RPS6KA2: variants seen among roughly 807,000 people sequenced by gnomAD.
RPS6KA2 encodes the protein ribosomal protein S6 kinase alpha-2.
Under a neutral mutation model 91.8 loss-of-function variants are expected in RPS6KA2, and 42 were observed. The observed-to-expected ratio is 0.46, with a 90% CI of 0.36 to 0.59. The LOEUF (loss-of-function observed/expected upper bound fraction) is 0.59, where lower values mean the gene tolerates loss of function less well. RPS6KA2 is among the 20% of genes least tolerant of loss of function. The pLI, the probability that RPS6KA2 is intolerant of heterozygous loss-of-function variation, is 0.00. For synonymous variants in RPS6KA2, 414 were observed against 393.6 expected, an observed-to-expected ratio of 1.05 and a Z score of -0.61; for missense variants, 798 against 978.5, an observed-to-expected ratio of 0.82 and a Z score of 2.46.
At chr6:166,576,255 T>C (rs964568846) in intron 1 of RPS6KA2, among the ~76,000 whole-genome samples, 7 of 152,166 alleles carry the variant, frequency 4.6e-5, no homozygotes, top group African/African-American at 1.7e-4. Context: ...AATGGACTAA[T>C]ACAGTAAATT....
intron 3 of RPS6KA2, among the ~76,000 whole-genome samples, chr6:166,514,860 G>T (rs531406173): frequency 1.3e-5 from 2 of 152,298 alleles, no homozygotes; most frequent in African/African-American, 4.8e-5. Context: ...CTGCCTGGGC[G>T]ACTGGTGGAG....
At position 166,784,421 on chromosome 6, in the gene RPS6KA2, G is replaced by GCACACGTGCACACCTATGCAT. The variant is rs1778869447; in HGVS notation, c.123+73778_123+73779insATGCATAGGTGTGCACGTGTG. On this transcript the variant is annotated intron_variant, in intron 2 of 21. Coordinates refer to the RPS6KA2 transcript ENST00000503859. ...ATATGCACACGTGCACACCTATGCAGAACCACATATGCACACGTGCACACC... is the reference window on the plus strand; with the variant it reads ...ATATGCACACGTGCACACCTATGCAGCACACGTGCACACCTATGCATAACCACATATGCACACGTGCACACC... Among the ~76,000 whole-genome samples the GCACACGTGCACACCTATGCAT allele has an allele frequency of 5.8e-3, 13 of 2,228 alleles. 2 individuals are homozygous for GCACACGTGCACACCTATGCAT. Among genetic ancestry groups the GCACACGTGCACACCTATGCAT allele is most frequent in the Non-Finnish European group, 0.011 (12 of 1,126 alleles). 1.5% of individuals were successfully genotyped at this position (2,228 alleles called of 152,430 possible).
At chr6:166,518,905 T>C (rs910713493) in intron 3 of RPS6KA2, among the ~76,000 whole-genome samples, 5 of 152,190 alleles carry the variant, frequency 3.3e-5, no homozygotes, top group South Asian at 2.1e-4. Context: ...TCTGTGCAAA[T>C]TCTAGCTTTG....
intron 1 of RPS6KA2, among the ~76,000 whole-genome samples, chr6:166,615,341 T>G (rs1786365265): frequency 6.6e-6 from 1 of 152,204 alleles, no homozygotes; most frequent in Admixed American, 6.5e-5. Flanking sequence ...GGACTCCCTG[T>G]GCACAGTATT....
At chr6:166,702,400 C>A in intron 2 of RPS6KA2, 4 of 1,606,572 alleles carry the variant, frequency 2.5e-6, no homozygotes, top group Non-Finnish European at 3.4e-6. Context: ...AATTCTCTAA[C>A]TGAAATCCAT....
chr6:166,535,295 C>G (rs1783443881), intron 2 of RPS6KA2, among the ~76,000 whole-genome samples: 1 of 152,194 alleles, frequency 6.6e-6, no homozygotes, highest in Non-Finnish European at 1.5e-5. Context: ...TCTCAGCTCT[C>G]TCTCAGAACT....
At chr6:166,686,073 C>T (rs958572950) in intron 2 of RPS6KA2, among the ~76,000 whole-genome samples, 19 of 152,166 alleles carry the variant, frequency 1.2e-4, no homozygotes, top group African/African-American at 4.1e-4. Context: ...CCTTTCCAGA[C>T]ACCTACGGAA....
At chr6:166,677,706 A>G (rs1040508754) in intron 2 of RPS6KA2, among the ~76,000 whole-genome samples, 1 of 152,214 alleles carries the variant, frequency 6.6e-6, no homozygotes, top group Non-Finnish European at 1.5e-5. Context: ...TTTTTGGATT[A>G]TTCTAAAATT....
chr6:166,702,352 G>A (rs879827817), intron 2 of RPS6KA2: 8 of 1,611,160 alleles, frequency 5.0e-6, no homozygotes, highest in Non-Finnish European at 6.8e-6. Flanking sequence ...TTTGCTGGGT[G>A]GCCATTTCAT....
chr6:166,808,684 A>AT (rs1173689231), intron 2 of RPS6KA2, among the ~76,000 whole-genome samples: 2 of 152,246 alleles, frequency 1.3e-5, no homozygotes, highest in African/African-American at 4.8e-5. Context: ...GTCAGTTTCC[A>AT]TTAAAGAAAG....
chr6:166,834,505 TTGGGTACTA>T (rs1780271596), intron 2 of RPS6KA2, among the ~76,000 whole-genome samples: 1 of 152,114 alleles, frequency 6.6e-6, no homozygotes, highest in African/African-American at 2.4e-5. Flanking sequence ...GAAAAAAATA[TTGGGTACTA>T]TGCTTAGTAC....
intron 2 of RPS6KA2, among the ~76,000 whole-genome samples, chr6:166,637,281 C>G (rs1787276913): frequency 6.6e-6 from 1 of 152,236 alleles, no homozygotes; most frequent in African/African-American, 2.4e-5. Context: ...CAGGCCGGGC[C>G]TGGGCCAAGG....
intron 5 of RPS6KA2, 99 bp from the exon 6 acceptor site, chr6:166,504,711 C>T: frequency 1.2e-6 from 1 of 815,638 alleles, no homozygotes; most frequent in South Asian, 1.7e-5. Context: ...AGAGTCCACA[C>T]TGGGGTCAGT....
At position 166,437,268 on chromosome 6, in the gene RPS6KA2, G is replaced by A. The variant is rs1779354609; in HGVS notation, c.1333-4778C>T. Among the ~76,000 whole-genome samples, 1 of 152,134 alleles carries A rather than the reference G, an allele frequency of 6.6e-6. No homozygotes were observed. Among genetic ancestry groups the A allele is most frequent in the Non-Finnish European group, 1.5e-5 (1 of 68,026 alleles). On this transcript the variant is annotated intron_variant, in intron 14 of 20. Coordinates refer to ENST00000265678, the MANE Select transcript of RPS6KA2 (RefSeq NM_021135.6). The surrounding 1 kb of genome is among the most constrained non-coding windows in gnomAD (Gnocchi z 4.3). The stretch of plus-strand genomic sequence containing the variant: ...TCTATGGGGTCGGTTTCTTGGGGTT[G>A]ACCGTGTTGGTCTTACTCTTATTAG...
intron 1 of RPS6KA2, among the ~76,000 whole-genome samples, chr6:166,620,302 T>G (rs775416364): frequency 5.3e-5 from 8 of 152,244 alleles, no homozygotes; most frequent in Non-Finnish European, 1.2e-4. Context: ...TCTTGCTAAT[T>G]TCATACAGAA....
At chr6:166,764,325 C>T (rs1383297469) in intron 2 of RPS6KA2, among the ~76,000 whole-genome samples, 3 of 152,066 alleles carry the variant, frequency 2.0e-5, no homozygotes, top group African/African-American at 2.4e-5. Context: ...GACTGTGAGG[C>T]GGGAGGAAGA....
intron 2 of RPS6KA2, among the ~76,000 whole-genome samples, chr6:166,819,083 G>A (rs796727571): frequency 9.2e-5 from 14 of 152,144 alleles, no homozygotes; most frequent in African/African-American, 2.9e-4. Flanking sequence ...ACATGGACAC[G>A]CCACTCAGAA....
At chr6:166,619,508 C>T (rs967077914) in intron 1 of RPS6KA2, among the ~76,000 whole-genome samples, 2 of 152,130 alleles carry the variant, frequency 1.3e-5, no homozygotes, top group Non-Finnish European at 1.5e-5. Context: ...AGCAGTCTCT[C>T]CAGGGCTTGA....
intron 1 of RPS6KA2, among the ~76,000 whole-genome samples, chr6:166,577,113 G>A (rs1465078971): frequency 6.6e-6 from 1 of 152,240 alleles, no homozygotes; most frequent in African/African-American, 2.4e-5. Flanking sequence ...AGAACTGGGG[G>A]TTCTGAAACC....
Sources: allele counts gnomAD v4.1 joint callset (sites outside exome capture counted in the v4.1 genomes callset), GRCh38; gene constraint gnomAD v4.1.1; non-coding constraint Gnocchi (gnomAD v3.1); transcripts MANE v1.5; gene names NCBI Gene and HGNC (gene_info 2026-07-23, HGNC 2026-07-21).